Variants in CCDC192 observed in about 807,000 individuals in gnomAD.
CCDC192 encodes the protein coiled-coil domain containing 192.
intron 6 of CCDC192, among the ~76,000 whole-genome samples, chr5:127,919,091 G>A (rs972297458): frequency 2.0e-5 from 3 of 151,622 alleles, no homozygotes; most frequent in Admixed American, 1.3e-4. Flanking sequence ...GTGTGTGTGT[G>A]TGTGTGTGTG....
chr5:127,895,004 A>T (rs1040254067), intron 6 of CCDC192, among the ~76,000 whole-genome samples: 3 of 151,894 alleles, frequency 2.0e-5, no homozygotes, highest in Non-Finnish European at 4.4e-5. Flanking sequence ...TGCAACTTTT[A>T]TTTTGAGTTC....
chr5:127,904,445 T>C (rs1213047154), intron 6 of CCDC192, among the ~76,000 whole-genome samples: 1 of 151,872 alleles, frequency 6.6e-6, no homozygotes, highest in Non-Finnish European at 1.5e-5. Flanking sequence ...ACATGGTTTG[T>C]ACAGACCACT....
rs115347202 is a variant in CCDC192, at chr5:127,852,544, G to A, written c.412-22994G>A. Among the ~76,000 whole-genome samples, 698 of 152,216 alleles carry A rather than the reference G, an allele frequency of 4.6e-3. 3 individuals carry two copies. The highest frequency in any genetic ancestry group is 0.015 in the African/African-American group (637 of 41,518). On this transcript the variant is annotated intron_variant, in intron 5 of 6. Transcript: ENST00000514853. ...CCCAGATATCTCCATCTCACGTTTC[G>A]GGGTCCCAGGTTGTCCCAACCAGAG...
intron 5 of CCDC192, among the ~76,000 whole-genome samples, chr5:127,808,215 G>A (rs1757898910): frequency 6.6e-6 from 1 of 151,930 alleles, no homozygotes; most frequent in Admixed American, 6.6e-5. Context: ...TTTATGTTAG[G>A]GCATGAATTG....
intron 3 of CCDC192, among the ~76,000 whole-genome samples, chr5:127,796,027 G>A (rs951978959): frequency 1.1e-4 from 16 of 152,020 alleles, no homozygotes; most frequent in African/African-American, 1.7e-4. Flanking sequence ...GTTAATCTGC[G>A]GCATATAACA....
intron 5 of CCDC192, among the ~76,000 whole-genome samples, chr5:127,860,289 T>C (rs1191378838): frequency 6.6e-6 from 1 of 152,250 alleles, no homozygotes; most frequent in Non-Finnish European, 1.5e-5. Flanking sequence ...TAAATGTTTG[T>C]TGAATAGAAC....
chr5:127,891,054 CTTGT>C (rs1251225818), intron 6 of CCDC192, among the ~76,000 whole-genome samples: 2 of 152,034 alleles, frequency 1.3e-5, no homozygotes, highest in Non-Finnish European at 2.9e-5. Context: ...AATGACCTTG[CTTGT>C]TTGTTTGTTT....
intron 5 of CCDC192, among the ~76,000 whole-genome samples, chr5:127,815,725 A>G (rs9327452): frequency 0.021 from 3,125 of 152,076 alleles, 115 homozygotes; most frequent in African/African-American, 0.072. Context: ...AAAATTAGCC[A>G]GGCATGGTGG....
At chr5:127,773,106 A>G (rs1755657651) in intron 3 of CCDC192, among the ~76,000 whole-genome samples, 1 of 152,148 alleles carries the variant, frequency 6.6e-6, no homozygotes, top group Admixed American at 6.5e-5. Context: ...ATATAGTGCT[A>G]TTTTTATTTC....
chr5:127,719,829 A>AGGGG lies in CCDC192; in HGVS notation c.114+12070_114+12073dup, dbSNP rs1554068199. ...CGTCTCGCATGGCCAGATCAGAGGA[A>AGGGG]GGGGCGGGGGAGGTGACACATGCTT... is the stretch of plus-strand genomic sequence containing the variant. On this transcript the variant is annotated intron_variant, in intron 2 of 6. Coordinates refer to ENST00000514853, the MANE Select transcript of CCDC192 (RefSeq NM_001317938.2). 2.2e-4 allele frequency among the ~76,000 whole-genome samples: 21 copies of AGGGG among 94,418 alleles called. No homozygotes were observed. In the East Asian group the frequency reaches 2.7e-3, roughly 12 times the overall value. The allele number at this position is 94,418 out of a possible 152,430, so 61.9% of individuals were successfully genotyped here.
chr5:127,911,507 T>G (rs1753346264), intron 6 of CCDC192, among the ~76,000 whole-genome samples: 1 of 152,172 alleles, frequency 6.6e-6, no homozygotes, highest in South Asian at 2.1e-4. Flanking sequence ...ATGTATTATA[T>G]TCTTCTCAGC....
intron 6 of CCDC192, among the ~76,000 whole-genome samples, chr5:127,900,582 T>C (rs1160057811): frequency 3.3e-5 from 5 of 152,238 alleles, no homozygotes; most frequent in Non-Finnish European, 7.3e-5. Flanking sequence ...TTCCAATTTC[T>C]CCTTAGCCAG....
Position 127,790,808 on chromosome 5 carries a change from T to A in CCDC192, c.223-6295T>A, listed in dbSNP as rs578126273. ...ACAACTGCAAGATATCAGAGCTGAA[T>A]TTTTAAGCTCTGAGAAACTTGGGCA... On this transcript the variant is annotated intron_variant, in intron 3 of 6. Coordinates refer to ENST00000514853, the MANE Select transcript of CCDC192 (RefSeq NM_001317938.2). Among the ~76,000 whole-genome samples the A allele has an allele frequency of 2.0e-5, 3 of 152,366 alleles. No individual in the cohort carries two copies. The East Asian group carries it at 5.8e-4, about 29-fold the overall frequency.
chr5:127,939,740 C>A (rs1230740918), intron 6 of CCDC192, among the ~76,000 whole-genome samples: 3 of 149,558 alleles, frequency 2.0e-5, no homozygotes, highest in Non-Finnish European at 3.0e-5. Flanking sequence ...GGTCCATTTT[C>A]AGCAGGTGTA....
intron 5 of CCDC192, among the ~76,000 whole-genome samples, chr5:127,832,236 G>A (rs1749829187): frequency 6.6e-6 from 1 of 152,118 alleles, no homozygotes; most frequent in Non-Finnish European, 1.5e-5. Flanking sequence ...AAATAGAAGA[G>A]GCTTCAATAC....
intron 6 of CCDC192, among the ~76,000 whole-genome samples, chr5:127,890,190 T>G (rs769403090): frequency 1.6e-4 from 24 of 152,030 alleles, no homozygotes; most frequent in Non-Finnish European, 3.1e-4. Context: ...CTAGGCAGGA[T>G]AGTGAGACCC....
intron 3 of CCDC192, among the ~76,000 whole-genome samples, chr5:127,764,039 A>G (rs1199189728): frequency 6.6e-6 from 1 of 152,192 alleles, no homozygotes; most frequent in Non-Finnish European, 1.5e-5. Flanking sequence ...TATACCATAT[A>G]ACACATGGAA....
intron 3 of CCDC192, among the ~76,000 whole-genome samples, chr5:127,777,311 A>G (rs1755925403): frequency 6.6e-6 from 1 of 152,212 alleles, no homozygotes; most frequent in African/African-American, 2.4e-5. Flanking sequence ...GCTGGATTTC[A>G]GATCTGCCTG....
At chr5:127,938,622 A>C (rs1754252931) in intron 6 of CCDC192, among the ~76,000 whole-genome samples, 1 of 152,270 alleles carries the variant, frequency 6.6e-6, no homozygotes. Context: ...TTATTTTAAA[A>C]ATACATTTTC....
Sources: gnomAD v4.1 joint callset for allele counts (sites outside exome capture counted in the v4.1 genomes callset) on GRCh38, gnomAD v4.1.1 for gene constraint, MANE v1.5 for transcripts, NCBI Gene and HGNC (gene_info 2026-07-23, HGNC 2026-07-21) for gene names.